HNRNPM: variants seen among roughly 807,000 people sequenced by gnomAD.
The protein encoded by HNRNPM is CEA receptor.
Under a neutral mutation model 73.1 loss-of-function variants are expected in HNRNPM, and 11 were observed. The observed-to-expected ratio is 0.15, with a 90% CI of 0.09 to 0.25. The LOEUF is 0.25. Among genes scored for constraint, HNRNPM ranks in the 10% least tolerant of loss-of-function variants. The pLI is 1.00. For synonymous variants in HNRNPM, 407 were observed against 355.2 expected (o/e 1.15, Z -1.64); for missense variants, 789 against 1,067.9 (o/e 0.74, Z 3.64).
At chr19:8,461,667 CAT>C (rs2145653007) in intron 2 of HNRNPM, among the ~76,000 whole-genome samples, 1 of 151,828 alleles carries the variant, frequency 6.6e-6, no homozygotes, top group South Asian at 2.1e-4. Flanking sequence ...AGATTAGAAT[CAT>C]ATGAGTCTGT....
rs1221804778 is a variant in HNRNPM at position 8,488,791 on chromosome 19, G to A, written c.2130G>A (p.Arg710=). The A allele has an allele frequency of 6.2e-7, 1 of 1,614,170 alleles. No homozygotes were observed. The highest frequency in any genetic ancestry group is 8.5e-7 in the Non-Finnish European group (1 of 1,180,022). The change falls in exon 16 of 16, where the codon CGG becomes CGA. Residue 710 remains arginine (R), a synonymous_variant. Transcript: ENST00000325495. ...ESPEVAERAC[R]MMNGMKLSGR... is the part of the protein sequence containing the mutation. Reference sequence around the variant, plus strand: ...CAGAGGTGGCCGAGAGAGCCTGCCGGATGATGAATGGCATGAAGCTGAGTG... The same window carrying A: ...CAGAGGTGGCCGAGAGAGCCTGCCGAATGATGAATGGCATGAAGCTGAGTG...
At chr19:8,471,778 A>T (rs187840504) in intron 10 of HNRNPM, among the ~76,000 whole-genome samples, 10 of 152,262 alleles carry the variant, frequency 6.6e-5, no homozygotes, top group African/African-American at 2.2e-4. Context: ...GGACCATAGC[A>T]CTGCCGCAGT....
chr19:8,459,607 T>C (rs1309577066), intron 2 of HNRNPM, among the ~76,000 whole-genome samples: 3 of 152,224 alleles, frequency 2.0e-5, no homozygotes, highest in Non-Finnish European at 4.4e-5. Flanking sequence ...TCTTATAACA[T>C]GTGAATTCTC....
intron 8 of HNRNPM, 78 bp from the exon 9 acceptor site, chr19:8,468,693 TGGG>T: frequency 9.7e-7 from 1 of 1,031,588 alleles, no homozygotes; most frequent in Non-Finnish European, 1.5e-6. Flanking sequence ...CCTCTCTTGA[TGGG>T]GGGCCATTTC....
At chr19:8,463,779 A>ACTTGC in intron 5 of HNRNPM, 93 bp downstream of exon 5, 1 of 829,566 alleles carries the variant, frequency 1.2e-6, no homozygotes, top group Non-Finnish European at 1.9e-6. Context: ...CCCAGACGGC[A>ACTTGC]TTTACAAAGC....
chr19:8,454,327 T>C (rs1402582723), intron 1 of HNRNPM, among the ~76,000 whole-genome samples: 2 of 152,348 alleles, frequency 1.3e-5, no homozygotes, highest in East Asian at 3.9e-4. Flanking sequence ...AATCATACAA[T>C]ATTTGGCCTT....
intron 12 of HNRNPM, among the ~76,000 whole-genome samples, chr19:8,479,096 T>TTTTTTTTTTTC (rs1970722303): frequency 7.9e-6 from 1 of 126,908 alleles, no homozygotes; most frequent in Non-Finnish European, 1.6e-5. Flanking sequence ...TTTTTTTTTT[T>TTTTTTTTTTTC]TTTTTTCAAG....
At chr19:8,466,430 A>G (rs367548447) in intron 7 of HNRNPM, 42 bp downstream of exon 7, 2 of 1,600,770 alleles carry the variant, frequency 1.2e-6, no homozygotes, top group Non-Finnish European at 1.7e-6. Context: ...AGTTTGACCT[A>G]AATTGCTGTG....
At chr19:8,449,174 G>C (rs1398434628) in intron 1 of HNRNPM, among the ~76,000 whole-genome samples, 1 of 152,210 alleles carries the variant, frequency 6.6e-6, no homozygotes, top group Non-Finnish European at 1.5e-5. Context: ...AGAAGACAGG[G>C]TTTTGGATTA....
chr19:8,486,317 T>G lies in HNRNPM; in HGVS notation c.1889T>G (p.Phe630Cys). 6.2e-7 allele frequency: 1 copy of G among 1,600,032 alleles called. No individual in the cohort carries two copies. Among genetic ancestry groups the G allele is most frequent in the Non-Finnish European group, 8.5e-7 (1 of 1,179,808 alleles). ...DRAIEMERGNFGGSFAGSFGG... is the reference protein window; with the variant it reads ...DRAIEMERGNCGGSFAGSFGG... ...GCCATCGAGATGGAGCGTGGCAACT[T>G]CGGAGGAAGCTTCGCAGGTTCCTTT... The change falls in exon 14 of 16, where the codon TTC (phenylalanine) becomes TGC (cysteine). Residue 630 changes from phenylalanine (F) to cysteine (C), a missense_variant. Around this residue, in one of 4 missense-constraint regions of HNRNPM, gnomAD observed 604 missense variants for 744.0 expected, o/e 0.81. Coordinates refer to ENST00000325495, the MANE Select transcript of HNRNPM (RefSeq NM_005968.5).
intron 1 of HNRNPM, among the ~76,000 whole-genome samples, chr19:8,447,516 G>A (rs1486854358): frequency 6.6e-6 from 1 of 151,924 alleles, no homozygotes; most frequent in East Asian, 1.9e-4. Flanking sequence ...TGGAAGTGGA[G>A]GAGAAGAAGA....
At chr19:8,470,831 G>A in intron 9 of HNRNPM, among the ~76,000 whole-genome samples, 1 of 152,154 alleles carries the variant, frequency 6.6e-6, no homozygotes. Context: ...AAGGAAGATA[G>A]GTTCTTTGAA....
intron 1 of HNRNPM, among the ~76,000 whole-genome samples, chr19:8,452,697 A>T (rs1462345256): frequency 2.0e-5 from 3 of 152,140 alleles, no homozygotes; most frequent in Admixed American, 6.6e-5. Context: ...TAGTTGAGAG[A>T]TCACAGAGGA....
At position 8,479,078 on chromosome 19, in the gene HNRNPM, C is replaced by CTTTTTTTTTTT. The variant is rs74176651; in HGVS notation, c.1121-4066_1121-4056dup. Among the ~76,000 whole-genome samples, 142 of 73,828 alleles carry CTTTTTTTTTTT rather than the reference C, an allele frequency of 1.9e-3. 4 individuals are homozygous for CTTTTTTTTTTT. Among genetic ancestry groups the CTTTTTTTTTTT allele is most frequent in the African/African-American group, 2.0e-3 (40 of 20,078 alleles). 48.4% of individuals were successfully genotyped at this position (73,828 alleles called of 152,430 possible). On this transcript the variant is annotated intron_variant, in intron 12 of 15. Transcript: ENST00000325495. ...ATTTCCTCCTCTTTTTTCTTTCTTT[C>CTTTTTTTTTTT]TTTTTTTTTTTTTTTTTTTTTTTTC...
At chr19:8,447,811 G>A (rs1968311893) in intron 1 of HNRNPM, among the ~76,000 whole-genome samples, 1 of 152,162 alleles carries the variant, frequency 6.6e-6, no homozygotes, top group South Asian at 2.1e-4. Context: ...CAGATCACGA[G>A]GTCAGGAGAT....
intron 1 of HNRNPM, 144 bp downstream of exon 1, chr19:8,445,255 G>A: frequency 7.0e-6 from 5 of 710,816 alleles, no homozygotes; most frequent in Non-Finnish European, 8.1e-6. Context: ...CAGGGTAGCG[G>A]CGTCTAGGGC....
intron 1 of HNRNPM, among the ~76,000 whole-genome samples, chr19:8,448,424 T>C (rs1968365518): frequency 6.6e-6 from 1 of 152,006 alleles, no homozygotes; most frequent in South Asian, 2.1e-4. Context: ...TTTTTAAATG[T>C]AGTATCATAT....
chr19:8,469,169 A>G (rs750745798), intron 9 of HNRNPM, among the ~76,000 whole-genome samples: 5 of 152,248 alleles, frequency 3.3e-5, no homozygotes, highest in African/African-American at 7.2e-5. Context: ...GGTTAGTCCC[A>G]TGTGGGCTAG....
At chr19:8,455,292 T>C in intron 1 of HNRNPM, 113 bp from the exon 2 acceptor site, 1 of 892,540 alleles carries the variant, frequency 1.1e-6, no homozygotes, top group Admixed American at 2.6e-5. Context: ...ATACTAGTCT[T>C]GTGTCATATG....
Sources: gnomAD v4.1 joint callset for allele counts (sites outside exome capture counted in the v4.1 genomes callset) on GRCh38, gnomAD v4.1.1 for gene constraint, gnomAD v4.1.1 regional missense constraint, MANE v1.5 for transcripts, NCBI Gene and HGNC (gene_info 2026-07-23, HGNC 2026-07-21) for gene names.